The following CREB5 variants were observed in gnomAD, a reference collection of about 807,000 sequenced individuals.
The protein encoded by CREB5 is cyclic AMP-responsive element-binding protein 5.
In CREB5, 19 loss-of-function variants were observed where a neutral mutation model predicts 57.1. The ratio of observed to expected loss-of-function variants is 0.33; its 90% CI spans 0.23 to 0.49. The LOEUF is 0.49. Among genes scored for constraint, CREB5 ranks in the 20% least tolerant of loss-of-function variants. CREB5 has a pLI of 0.99. For missense variants in CREB5, 579 were observed against 671.6 expected (o/e 0.86, Z 1.52); for synonymous variants, 238 against 238.3 (o/e 1.00, Z 0.01).
At chr7:28,730,800 G>A (rs1365786796) in intron 7 of CREB5, among the ~76,000 whole-genome samples, 1 of 152,078 alleles carries the variant, frequency 6.6e-6, no homozygotes, top group African/African-American at 2.4e-5. Flanking sequence ...ACTTTTCCAG[G>A]ATCACTCAGT....
chr7:28,626,969 A>G (rs1387532996), intron 5 of CREB5, among the ~76,000 whole-genome samples: 1 of 152,138 alleles, frequency 6.6e-6, no homozygotes, highest in African/African-American at 2.4e-5. Flanking sequence ...TTTGCTCTCA[A>G]TGCTTGCAAT....
At chr7:28,355,452 C>G (rs373226101) in intron 1 of CREB5, among the ~76,000 whole-genome samples, 4 of 152,122 alleles carry the variant, frequency 2.6e-5, no homozygotes, top group African/African-American at 7.2e-5. Flanking sequence ...CATAATAAGA[C>G]TTTATGTTTG....
At chr7:28,335,528 A>G (rs1021654105) in intron 1 of CREB5, among the ~76,000 whole-genome samples, 2 of 151,976 alleles carry the variant, frequency 1.3e-5, no homozygotes, top group Non-Finnish European at 2.9e-5. Context: ...AAATGCTACT[A>G]AGTTTTGTAC....
intron 1 of CREB5, among the ~76,000 whole-genome samples, chr7:28,370,000 A>G (rs964928854): frequency 6.6e-6 from 1 of 152,150 alleles, no homozygotes; most frequent in Admixed American, 6.5e-5. Context: ...TTTTTTCCCT[A>G]GTAATGCTGT....
chr7:28,669,395 T>C (rs555904215), intron 5 of CREB5, among the ~76,000 whole-genome samples: 1 of 152,306 alleles, frequency 6.6e-6, no homozygotes, highest in South Asian at 2.1e-4. Flanking sequence ...GTGTCCTGGA[T>C]TGGTTCCTGG....
At chr7:28,762,061 T>C (rs1805690718) in intron 7 of CREB5, among the ~76,000 whole-genome samples, 1 of 152,164 alleles carries the variant, frequency 6.6e-6, no homozygotes, top group South Asian at 2.1e-4. Context: ...AAGGCAAACT[T>C]ACCAGCTAAG....
At chr7:28,521,620 C>CTATTTAAAA (rs1445362669) in intron 4 of CREB5, among the ~76,000 whole-genome samples, 1 of 152,186 alleles carries the variant, frequency 6.6e-6, no homozygotes, top group Non-Finnish European at 1.5e-5. Flanking sequence ...GCTTCAATCC[C>CTATTTAAAA]TGTATTTAAT....
At chr7:28,355,155 A>G (rs563909973) in intron 1 of CREB5, among the ~76,000 whole-genome samples, 1 of 152,342 alleles carries the variant, frequency 6.6e-6, no homozygotes, top group South Asian at 2.1e-4. Context: ...TGGATTCTTC[A>G]AGCAAGAGAA....
intron 1 of CREB5, among the ~76,000 whole-genome samples, chr7:28,463,628 G>A (rs190071662): frequency 6.6e-6 from 1 of 152,258 alleles, no homozygotes; most frequent in East Asian, 1.9e-4. Flanking sequence ...TACCAGTCAT[G>A]TGCTTTTTTG....
In CREB5 at chr7:28,579,616, A is replaced by G. The variant is rs985009608; in HGVS notation, c.464+9079A>G. ...AACAGATGGCCCCAAACATCTTTGA[A>G]ATGCTAGAAATGACTTCCTGAATAA... On this transcript the variant is annotated intron_variant, in intron 5 of 10. Transcript: ENST00000357727. 7.6e-4 allele frequency among the ~76,000 whole-genome samples: 116 copies of G among 152,186 alleles called. 6 individuals are homozygous for G. The highest frequency in any genetic ancestry group is 4.4e-5 in the Non-Finnish European group (3 of 68,038).
intron 4 of CREB5, among the ~76,000 whole-genome samples, chr7:28,559,548 C>T (rs920633022): frequency 2.0e-5 from 3 of 150,874 alleles, no homozygotes; most frequent in Non-Finnish European, 4.4e-5. Flanking sequence ...CTCCTGAGCT[C>T]AGGCAATCCG....
At chr7:28,445,695 G>C (rs1244197404) in intron 1 of CREB5, among the ~76,000 whole-genome samples, 1 of 152,042 alleles carries the variant, frequency 6.6e-6, no homozygotes, top group Non-Finnish European at 1.5e-5. Context: ...GGGACTACAG[G>C]CGCCCGCCAC....
intron 1 of CREB5, among the ~76,000 whole-genome samples, chr7:28,354,424 C>G (rs1786299400): frequency 6.6e-6 from 1 of 152,176 alleles, no homozygotes; most frequent in Non-Finnish European, 1.5e-5. Context: ...GCTTCCTGCT[C>G]TCGAATATCA....
chr7:28,560,847 C>CGTGCGCGCGCGTGT (rs1795102345), intron 4 of CREB5, among the ~76,000 whole-genome samples: 1 of 42,242 alleles, frequency 2.4e-5, no homozygotes, highest in Non-Finnish European at 5.3e-5. Context: ...TGTGTGTGCG[C>CGTGCGCGCGCGTGT]GTGTGTGTGT....
At position 28,412,589 on chromosome 7, in the gene CREB5, C is replaced by T. The variant is rs960788162; in HGVS notation, c.-326C>T. On this transcript the variant is annotated 5_prime_UTR_variant, in exon 1 of 11. Transcript: ENST00000357727. ...CTAGACAGTTCCACAAATTTTTAGTCACATTTTCCATGTCAGTTAAATCTA... is the reference window on the plus strand; with the variant it reads ...CTAGACAGTTCCACAAATTTTTAGTTACATTTTCCATGTCAGTTAAATCTA... 11 of 245,278 alleles carry T rather than the reference C, an allele frequency of 4.5e-5. No individual in the cohort carries two copies. Among genetic ancestry groups the T allele is most frequent in the South Asian group, 1.7e-4 (1 of 5,772 alleles). The allele number at this position is 245,278 out of a possible 1,614,324, so 15.2% of individuals were successfully genotyped here. A position where few individuals can be genotyped will look rare whatever the true frequency, so the allele number is the denominator to read the frequency against.
intron 5 of CREB5, among the ~76,000 whole-genome samples, chr7:28,634,389 A>G (rs1798327595): frequency 6.6e-6 from 1 of 152,192 alleles, no homozygotes; most frequent in South Asian, 2.1e-4. Flanking sequence ...CATGTCTATC[A>G]TGTGCTTTAC....
chr7:28,683,207 G>A (rs146644325), intron 5 of CREB5, among the ~76,000 whole-genome samples: 2 of 152,238 alleles, frequency 1.3e-5, no homozygotes, highest in Non-Finnish European at 2.9e-5. Flanking sequence ...GGCCAAATGG[G>A]TGAAAAAGGA....
intron 4 of CREB5, among the ~76,000 whole-genome samples, chr7:28,510,307 C>T (rs538008416): frequency 6.6e-6 from 1 of 152,338 alleles, no homozygotes; most frequent in Admixed American, 6.5e-5. Context: ...TTTTGGTCTA[C>T]ATTCTGACAA....
At chr7:28,564,647 A>G (rs1396295428) in intron 4 of CREB5, among the ~76,000 whole-genome samples, 1 of 152,232 alleles carries the variant, frequency 6.6e-6, no homozygotes, top group Non-Finnish European at 1.5e-5. Flanking sequence ...GGAAGAAGTC[A>G]AAGGACATGC....
Sources: allele counts gnomAD v4.1 joint callset (sites outside exome capture counted in the v4.1 genomes callset), GRCh38; gene constraint gnomAD v4.1.1; transcripts MANE v1.5; gene names NCBI Gene and HGNC (gene_info 2026-07-23, HGNC 2026-07-21).